TMTC4: variants seen among roughly 807,000 people sequenced by gnomAD.
TMTC4 encodes the protein transmembrane O-mannosyltransferase targeting cadherins 4.
Under a neutral mutation model 86.0 loss-of-function variants are expected in TMTC4, and 65 were observed. The ratio of observed to expected loss-of-function variants is 0.76; its 90% CI spans 0.62 to 0.93. The LOEUF is 0.93. TMTC4 is among the 40% of genes least tolerant of loss of function. The pLI is 0.00. For missense variants in TMTC4, 866 were observed against 948.1 expected, an observed-to-expected ratio of 0.91 and a Z score of 1.14; for synonymous variants, 379 against 382.5, an observed-to-expected ratio of 0.99 and a Z score of 0.11.
chr13:100,661,118 A>G (rs760680945), intron 5 of TMTC4, among the ~76,000 whole-genome samples: 2 of 152,242 alleles, frequency 1.3e-5, no homozygotes, highest in Non-Finnish European at 1.5e-5. Flanking sequence ...CTGAGTTTGA[A>G]TGGATGTCAT....
At chr13:100,653,980 C>G (rs187735217) in intron 6 of TMTC4, among the ~76,000 whole-genome samples, 1 of 152,332 alleles carries the variant, frequency 6.6e-6, no homozygotes, top group East Asian at 1.9e-4. Context: ...GCCCAGAGAC[C>G]ACTCTGGTGG....
chr13:100,615,432 C>T (rs1196996786), intron 15 of TMTC4, among the ~76,000 whole-genome samples: 4 of 150,082 alleles, frequency 2.7e-5, no homozygotes, highest in Admixed American at 6.7e-5. Flanking sequence ...TGAGCCACCG[C>T]GCCAGGCGTA....
At chr13:100,640,435 T>C (rs868784112) in intron 7 of TMTC4, among the ~76,000 whole-genome samples, 10 of 152,230 alleles carry the variant, frequency 6.6e-5, no homozygotes, top group African/African-American at 2.2e-4. Flanking sequence ...ATACCATCTC[T>C]TTGCTAGCTT....
At chr13:100,672,092 G>A (rs1464777262) in intron 1 of TMTC4, among the ~76,000 whole-genome samples, 1 of 152,162 alleles carries the variant, frequency 6.6e-6, no homozygotes, top group East Asian at 1.9e-4. Context: ...AGGATTAAAG[G>A]AGAAAATGTA....
At position 100,670,434 on chromosome 13, in the gene TMTC4, C is replaced by A; in HGVS notation, c.-72G>T. The A allele has an allele frequency of 6.5e-7, 1 of 1,531,708 alleles. No homozygotes were observed. The highest frequency in any genetic ancestry group is 1.4e-5 in the African/African-American group (1 of 72,244). The allele number at this position is 1,531,708 out of a possible 1,614,324, so 94.9% of individuals were successfully genotyped here. On this transcript the variant is annotated 5_prime_UTR_variant, in exon 2 of 19. Transcript: ENST00000342624. ...TTTACAATCCAGAGATGAAACAGGC[C>A]GCAACTCTTCCACTGCTTGTCTCTC... is the stretch of plus-strand genomic sequence containing the variant.
In TMTC4 at chr13:100,668,494, C is replaced by T. The variant is rs572094794; in HGVS notation, c.219+85G>A. The T allele has an allele frequency of 2.9e-6, 4 of 1,393,502 alleles. No individual in the cohort carries two copies. In the African/African-American group the frequency reaches 4.3e-5, roughly 15 times the overall value. 86.3% of individuals were successfully genotyped at this position (1,393,502 alleles called of 1,614,324 possible). A position where few individuals can be genotyped will look rare whatever the true frequency, so the allele number is the denominator to read the frequency against. ...AGGCCAATGCTTAACCTACATTCCA[C>T]AGAGAACAATGCAACACATACTTAG... On this transcript the variant is annotated intron_variant, in intron 3 of 18. Transcript: ENST00000342624.
At position 100,604,166 on chromosome 13, in the gene TMTC4, G is replaced by A. The variant is rs772490402; in HGVS notation, c.*828C>T. 2.6e-5 allele frequency: 4 copies of A among 152,494 alleles called. No homozygotes were observed. Among genetic ancestry groups the A allele is most frequent in the Non-Finnish European group, 4.4e-5 (3 of 68,002 alleles). 9.4% of individuals were successfully genotyped at this position (152,494 alleles called of 1,614,324 possible). A position where few individuals can be genotyped will look rare whatever the true frequency, so the allele number is the denominator to read the frequency against. On this transcript the variant is annotated 3_prime_UTR_variant, in exon 19 of 19. Transcript: ENST00000342624. Reference sequence around the variant, plus strand: ...AGTTACATTAAGCAAAATGGAAAACGGCCTTCAGATAAACACACTAAAAAG... The same window carrying A: ...AGTTACATTAAGCAAAATGGAAAACAGCCTTCAGATAAACACACTAAAAAG...
In TMTC4 at chr13:100,636,740, A is replaced by T. The variant is rs1453997590; in HGVS notation, c.1000-6T>A. On this transcript the variant is annotated splice_polypyrimidine_tract_variant and splice_region_variant and intron_variant, in intron 9 of 18. Coordinates refer to ENST00000342624, the MANE Select transcript of TMTC4 (RefSeq NM_032813.5). ...TAGTAATTGTAGTTTACGGCCTGCCAGTCAAAAGGAGAACAAACATCTATT... is the reference window on the plus strand; with the variant it reads ...TAGTAATTGTAGTTTACGGCCTGCCTGTCAAAAGGAGAACAAACATCTATT... The T allele has an allele frequency of 6.2e-7, 1 of 1,613,880 alleles. No individual in the cohort carries two copies. Among genetic ancestry groups the T allele is most frequent in the East Asian group, 2.2e-5 (1 of 44,886 alleles).
chr13:100,672,553 T>C (rs1051604634), intron 1 of TMTC4, among the ~76,000 whole-genome samples: 10 of 152,202 alleles, frequency 6.6e-5, no homozygotes, highest in African/African-American at 2.4e-4. Flanking sequence ...TATAGTGGTA[T>C]GATCATAGCT....
chr13:100,669,190 G>C (rs1414277998), intron 2 of TMTC4, among the ~76,000 whole-genome samples: 2 of 152,154 alleles, frequency 1.3e-5, no homozygotes, highest in African/African-American at 4.8e-5. Flanking sequence ...AGTCATTGTT[G>C]GGTTTTAGCA....
chr13:100,670,958 A>C (rs559723137), intron 1 of TMTC4, among the ~76,000 whole-genome samples: 2 of 152,366 alleles, frequency 1.3e-5, no homozygotes, highest in South Asian at 2.1e-4. Context: ...TGTCTCAAAC[A>C]ACAACAAAGC....
chr13:100,622,084 G>A (rs1879593667), intron 15 of TMTC4, among the ~76,000 whole-genome samples: 1 of 152,184 alleles, frequency 6.6e-6, no homozygotes, highest in African/African-American at 2.4e-5. Flanking sequence ...CAACATCAAA[G>A]CAGGTAACTA....
chr13:100,622,949 T>G (rs1406837676), intron 15 of TMTC4, among the ~76,000 whole-genome samples: 1 of 152,168 alleles, frequency 6.6e-6, no homozygotes, highest in Non-Finnish European at 1.5e-5. Flanking sequence ...GCTATCTTGT[T>G]TTCTCCATTC....
At chr13:100,622,466 T>A (rs184075129) in intron 15 of TMTC4, among the ~76,000 whole-genome samples, 2 of 152,352 alleles carry the variant, frequency 1.3e-5, no homozygotes, top group Admixed American at 6.5e-5. Context: ...AGGGACCTGG[T>A]GAAAAATAAC....
intron 15 of TMTC4, chr13:100,625,201 T>G: frequency 3.4e-6 from 1 of 291,106 alleles, no homozygotes; most frequent in Non-Finnish European, 6.6e-6. Flanking sequence ...ATTCTTGTTT[T>G]AAAAACAGAG....
chr13:100,652,166 AAAC>A (rs1192393847), intron 6 of TMTC4, among the ~76,000 whole-genome samples: 3 of 151,882 alleles, frequency 2.0e-5, no homozygotes, highest in Admixed American at 1.3e-4. Context: ...ACTCCGTCTC[AAAC>A]AACAACAACA....
chr13:100,623,392 C>T (rs1231729317), intron 15 of TMTC4, among the ~76,000 whole-genome samples: 2 of 152,240 alleles, frequency 1.3e-5, no homozygotes, highest in African/African-American at 4.8e-5. Flanking sequence ...ACCACCATGT[C>T]TGGCTATTTT....
At chr13:100,673,401 C>T in intron 1 of TMTC4, 1 of 974,234 alleles carries the variant, frequency 1.0e-6, no homozygotes, top group Non-Finnish European at 1.2e-6. Flanking sequence ...GACCTCTGCC[C>T]AGCCTTTCTA....
At chr13:100,665,127 A>T (rs1017314218) in intron 3 of TMTC4, among the ~76,000 whole-genome samples, 5 of 152,214 alleles carry the variant, frequency 3.3e-5, no homozygotes, top group African/African-American at 1.2e-4. Flanking sequence ...AAAACACTGT[A>T]CCGCTCTTAC....
Sources: gnomAD v4.1 joint callset for allele counts (sites outside exome capture counted in the v4.1 genomes callset) on GRCh38, gnomAD v4.1.1 for gene constraint, MANE v1.5 for transcripts, NCBI Gene and HGNC (gene_info 2026-07-23, HGNC 2026-07-21) for gene names.